FGFR4: variants seen among roughly 807,000 people sequenced by gnomAD.
The protein encoded by FGFR4 is hydroxyaryl-protein kinase.
Under a neutral mutation model 89.9 loss-of-function variants are expected in FGFR4, and 63 were observed. The observed-to-expected ratio is 0.70, with a 90% CI of 0.57 to 0.86. FGFR4 has a LOEUF of 0.86. Among genes scored for constraint, FGFR4 ranks in the 40% least tolerant of loss-of-function variants. The probability of loss-of-function intolerance (pLI) is 0.00; values close to 1 mark genes in which losing one functional copy is unlikely to be tolerated. For synonymous variants in FGFR4, 486 were observed against 479.4 expected, an observed-to-expected ratio of 1.01 and a Z score of -0.18; for missense variants, 928 against 1,106.7, an observed-to-expected ratio of 0.84 and a Z score of 2.29.
At chr5:177,090,248 T>C (rs773763500) in intron 2 of FGFR4, 142 bp from the exon 3 acceptor site, 2 of 1,181,550 alleles carry the variant, frequency 1.7e-6, no homozygotes, top group South Asian at 2.5e-5. Context: ...AGCATGTGGC[T>C]GTGTGGGTGT....
chr5:177,090,231 C>A, intron 2 of FGFR4, 159 bp from the exon 3 acceptor site: 1 of 1,016,682 alleles, frequency 9.8e-7, no homozygotes, highest in Non-Finnish European at 1.5e-6. Flanking sequence ...CTGGGTGTGG[C>A]ATCCGCAGCA....
Position 177,095,684 on chromosome 5 carries a change from C to A in FGFR4, c.1782C>A (p.Tyr594Ter). 6.2e-7 allele frequency: 1 copy of A among 1,609,290 alleles called. No homozygotes were observed. Among genetic ancestry groups the A allele is most frequent in the Non-Finnish European group, 8.5e-7 (1 of 1,179,012 alleles). ...LSFPVLVSCAYQVARGMQYLE... is the reference protein window; with the variant it reads ...LSFPVLVSCA ...TCCCAGTCCTGGTCTCCTGCGCCTA[C>A]CAGGTGGCCCGAGGCATGCAGTATC... The change falls in exon 13 of 18, where the codon TAC (tyrosine) becomes TAA (stop). Residue 594 changes from tyrosine to a stop codon, truncating the protein, a stop_gained. Coordinates refer to ENST00000292408, the MANE Select transcript of FGFR4 (RefSeq NM_213647.3). LOFTEE classifies it high-confidence loss of function. The surrounding 1 kb of genome is among the most constrained non-coding windows in gnomAD (Gnocchi z 5.7).
chr5:177,095,059 C>A lies in FGFR4; in HGVS notation c.1520-271C>A. The A allele has an allele frequency of 2.2e-6, 1 of 452,632 alleles. No homozygotes were observed. Among genetic ancestry groups the A allele is most frequent in the Non-Finnish European group, 4.1e-6 (1 of 243,184 alleles). 28.0% of individuals were successfully genotyped at this position (452,632 alleles called of 1,614,324 possible). ...CCTCTCTCCTGTGTCCTGGGCCTGCCCGCTGGAAGGCCTGCCTCTTAGATC... is the reference window on the plus strand; with the variant it reads ...CCTCTCTCCTGTGTCCTGGGCCTGCACGCTGGAAGGCCTGCCTCTTAGATC... On this transcript the variant is annotated intron_variant, in intron 11 of 17. Coordinates refer to ENST00000292408, the MANE Select transcript of FGFR4 (RefSeq NM_213647.3). The surrounding 1 kb of genome is among the most constrained non-coding windows in gnomAD (Gnocchi z 5.7).
In FGFR4 at chr5:177,090,907, G is replaced by A. The variant is rs1227656235; in HGVS notation, c.437-31G>A. 5.6e-6 allele frequency: 9 copies of A among 1,614,144 alleles called. No homozygotes were observed. In the South Asian group the frequency reaches 6.6e-5, roughly 12 times the overall value. On this transcript the variant is annotated intron_variant, in intron 4 of 17. Transcript: ENST00000292408. ...GAGGAGGCCTGTGTGGGAACACACG[G>A]TCATTCTAGGGGCCTTCCCCTGCCC... is the stretch of plus-strand genomic sequence containing the variant.
intron 15 of FGFR4, 85 bp from the exon 16 acceptor site, chr5:177,096,519 G>A: frequency 6.4e-7 from 1 of 1,557,950 alleles, no homozygotes; most frequent in African/African-American, 1.4e-5. Context: ...AACAGCTGTG[G>A]TGGGTCATGT....
chr5:177,090,458 CGTCTGTGCTGTGGGCG>C lies in FGFR4; in HGVS notation c.162_177del (p.Cys56SerfsTer26). ...GACAGTAGCCCTTGGGCAGCCTGTG[CGTCTGTGCTGTGGGCG>C]GGCTGAGCGTGGTGGCCACTGGTAC... On this transcript the variant is annotated frameshift_variant, in exon 3 of 18. Coordinates refer to ENST00000292408, the MANE Select transcript of FGFR4 (RefSeq NM_213647.3). LOFTEE classifies it high-confidence loss of function. 6.2e-7 allele frequency: 1 copy of C among 1,603,272 alleles called. No individual in the cohort carries two copies. Among genetic ancestry groups the C allele is most frequent in the Non-Finnish European group, 8.5e-7 (1 of 1,176,522 alleles).
chr5:177,097,200 A>G lies in FGFR4; in HGVS notation c.2154-92A>G, dbSNP rs928664009. ...CCTCCTATCCCTCATCAAACTCCCCACCAAACTCCTCCCCACCCAGAGAAC... is the reference window on the plus strand; with the variant it reads ...CCTCCTATCCCTCATCAAACTCCCCGCCAAACTCCTCCCCACCCAGAGAAC... On this transcript the variant is annotated intron_variant, in intron 16 of 17. Transcript: ENST00000292408. The G allele has an allele frequency of 3.7e-5, 38 of 1,031,578 alleles. No homozygotes were observed. In the African/African-American group the frequency reaches 5.0e-4, roughly 14 times the overall value. The allele number at this position is 1,031,578 out of a possible 1,614,324, so 63.9% of individuals were successfully genotyped here. A position where few individuals can be genotyped will look rare whatever the true frequency, so the allele number is the denominator to read the frequency against.
rs1360047984 is a variant in FGFR4, at chr5:177,096,479, G to T, written c.2015+122G>T. 11 of 1,528,648 alleles carry T rather than the reference G, an allele frequency of 7.2e-6. No homozygotes were observed. In the Admixed American group the frequency reaches 7.4e-5, roughly 10 times the overall value. 94.7% of individuals were successfully genotyped at this position (1,528,648 alleles called of 1,614,324 possible). A position where few individuals can be genotyped will look rare whatever the true frequency, so the allele number is the denominator to read the frequency against. On this transcript the variant is annotated intron_variant, in intron 15 of 17. Transcript: ENST00000292408. ...TCAGATTTGGTCTGGGACCCGAGTG[G>T]GCCCAGACTCCAGGAGGAGCCCATT...
At chr5:177,089,041 G>A (rs1257165262) in intron 1 of FGFR4, among the ~76,000 whole-genome samples, 5 of 152,178 alleles carry the variant, frequency 3.3e-5, no homozygotes, top group Non-Finnish European at 7.3e-5. Flanking sequence ...GCTTGCCACG[G>A]AAGGGGCCGC....
At position 177,095,663 on chromosome 5, in the gene FGFR4, A is replaced by C. The variant is rs555421531; in HGVS notation, c.1761A>C (p.Pro587=). ...PRSSEGPLSF[P]VLVSCAYQVA... ...GCAGTGAGGGGCCGCTCTCCTTCCC[A>C]GTCCTGGTCTCCTGCGCCTACCAGG... Residue 587 remains proline, a synonymous_variant, in exon 13 of 18, where the codon CCA becomes CCC. Coordinates refer to ENST00000292408, the MANE Select transcript of FGFR4 (RefSeq NM_213647.3). The surrounding 1 kb of genome is among the most constrained non-coding windows in gnomAD (Gnocchi z 5.7). 1 of 1,609,066 alleles carries C rather than the reference A, an allele frequency of 6.2e-7. No homozygotes were observed. Among genetic ancestry groups the C allele is most frequent in the Admixed American group, 1.7e-5 (1 of 59,574 alleles).
rs916468815 is a variant in FGFR4 at position 177,090,456 on chromosome 5, T to A, written c.158T>A (p.Val53Glu). The change falls in exon 3 of 18, where the codon GTG becomes GAG. Residue 53 changes from valine (V) to glutamate (E), a missense_variant. Around this residue, in one of 5 missense-constraint regions of FGFR4, gnomAD observed 741 missense variants for 836.9 expected, o/e 0.89. Transcript: ENST00000292408. The stretch of plus-strand genomic sequence containing the variant: ...CTGACAGTAGCCCTTGGGCAGCCTG[T>A]GCGTCTGTGCTGTGGGCGGGCTGAG... ...QELTVALGQP[V>E]RLCCGRAERG... 2 of 1,604,414 alleles carry A rather than the reference T, an allele frequency of 1.2e-6. No individual in the cohort carries two copies. Among genetic ancestry groups the A allele is most frequent in the East Asian group, 2.2e-5 (1 of 44,812 alleles).
At chr5:177,096,404 G>T (rs755881407) in intron 15 of FGFR4, 47 bp downstream of exon 15, 70 of 1,608,222 alleles carry the variant, frequency 4.4e-5, no homozygotes, top group Non-Finnish European at 6.0e-5. Flanking sequence ...AAAGGGCAAG[G>T]CACTGCCCAA....
At position 177,096,140 on chromosome 5, in the gene FGFR4, C is replaced by G; in HGVS notation, c.1905C>G (p.Arg635=). The change falls in exon 14 of 18, where the codon CGC becomes CGG. Residue 635 remains arginine, a synonymous_variant. Coordinates refer to ENST00000292408, the MANE Select transcript of FGFR4 (RefSeq NM_213647.3). Reference sequence around the variant, plus strand: ...AGATTGCTGACTTTGGGCTGGCCCGCGGCGTCCACCACATTGACTACTATA... The same window carrying G: ...AGATTGCTGACTTTGGGCTGGCCCGGGGCGTCCACCACATTGACTACTATA... ...VMKIADFGLA[R]GVHHIDYYKK... The G allele has an allele frequency of 6.2e-7, 1 of 1,614,116 alleles. No individual in the cohort carries two copies. Among genetic ancestry groups the G allele is most frequent in the Non-Finnish European group, 8.5e-7 (1 of 1,179,994 alleles).
In FGFR4 at chr5:177,093,477, C is replaced by T. The variant is rs777754416; in HGVS notation, c.1323C>T (p.Ser441=). The T allele has an allele frequency of 1.2e-5, 19 of 1,613,826 alleles. No individual in the cohort carries two copies. Among genetic ancestry groups the T allele is most frequent in the Middle Eastern group, 1.6e-4 (1 of 6,084 alleles). The change falls in exon 10 of 18, where the codon AGC becomes AGT. Residue 441 remains serine, a synonymous_variant. Coordinates refer to ENST00000292408, the MANE Select transcript of FGFR4 (RefSeq NM_213647.3). This position sits in a 1 kb window ranked among gnomAD's most constrained non-coding sequence, Gnocchi z 5.8. ...SLVRGVRLSS[S]GPALLAGLVS... is the part of the protein sequence containing the mutation. ...TACGAGGCGTGCGTCTCTCCTCCAG[C>T]GGCCCCGCCTTGCTCGCCGGCCTCG...
At position 177,089,623 on chromosome 5, in the gene FGFR4, G is replaced by T; in HGVS notation, c.21G>T (p.Leu7=). Residue 7 remains leucine, a synonymous_variant, in exon 2 of 18, where the codon CTG becomes CTT. Coordinates refer to ENST00000292408, the MANE Select transcript of FGFR4 (RefSeq NM_213647.3). Reference sequence around the variant, plus strand: ...AGGAGATGCGGCTGCTGCTGGCCCTGTTGGGGGTCCTGCTGAGTGTGCCTG... The same window carrying T: ...AGGAGATGCGGCTGCTGCTGGCCCTTTTGGGGGTCCTGCTGAGTGTGCCTG... MRLLLA[L]LGVLLSVPGP... 1 of 1,613,922 alleles carries T rather than the reference G, an allele frequency of 6.2e-7. No homozygotes were observed. The highest frequency in any genetic ancestry group is 8.5e-7 in the Non-Finnish European group (1 of 1,179,920).
Position 177,097,981 on chromosome 5 carries a change from C to A in FGFR4, c.*305C>A. 3.1e-6 allele frequency: 1 copy of A among 319,764 alleles called. No homozygotes were observed. The highest frequency in any genetic ancestry group is 5.7e-6 in the Non-Finnish European group (1 of 174,340). The allele number at this position is 319,764 out of a possible 1,614,324, so 19.8% of individuals were successfully genotyped here. ...CCCAATACCAGCAGGAGGTTCTGGG[C>A]CTCTGAACCCCCTTTCCCCACACCT... is the stretch of plus-strand genomic sequence containing the variant. On this transcript the variant is annotated 3_prime_UTR_variant, in exon 18 of 18. Coordinates refer to ENST00000292408, the MANE Select transcript of FGFR4 (RefSeq NM_213647.3).
rs2149735652 is a variant in FGFR4, at chr5:177,093,376, G to A, written c.1252-30G>A. The A allele has an allele frequency of 6.2e-7, 1 of 1,613,316 alleles. No individual in the cohort carries two copies. The highest frequency in any genetic ancestry group is 8.5e-7 in the Non-Finnish European group (1 of 1,179,610). On this transcript the variant is annotated intron_variant, in intron 9 of 17. Transcript: ENST00000292408. This position sits in a 1 kb window ranked among gnomAD's most constrained non-coding sequence, Gnocchi z 5.8. Reference sequence around the variant, plus strand: ...CCTCACATGTGACAGCCTGACTCCAGCAGGCAGAACCAAGTCTCCCACTTT... The same window carrying A: ...CCTCACATGTGACAGCCTGACTCCAACAGGCAGAACCAAGTCTCCCACTTT...
chr5:177,091,062 T>C lies in FGFR4; in HGVS notation c.561T>C (p.Asp187=), dbSNP rs1033228084. 24 of 1,599,718 alleles carry C rather than the reference T, an allele frequency of 1.5e-5. No individual in the cohort carries two copies. In the Admixed American group the frequency reaches 2.7e-4, roughly 18 times the overall value. ...CGCCCACCATCCGCTGGCTTAAGGA[T>C]GGACAGGCCTTTCATGGGGAGAACC... The part of the protein sequence containing the change: ...NPTPTIRWLK[D]GQAFHGENRI... Residue 187 remains aspartate, a synonymous_variant, in exon 5 of 18, where the codon GAT becomes GAC. Transcript: ENST00000292408.
At position 177,098,010 on chromosome 5, in the gene FGFR4, C is replaced by CCTG. The variant is rs1784673109; in HGVS notation, c.*345_*347dup. The CCTG allele has an allele frequency of 1.7e-5, 5 of 292,212 alleles. No homozygotes were observed. Among genetic ancestry groups the CCTG allele is most frequent in the Non-Finnish European group, 3.2e-5 (5 of 156,772 alleles). 18.1% of individuals were successfully genotyped at this position (292,212 alleles called of 1,614,324 possible). On this transcript the variant is annotated 3_prime_UTR_variant, in exon 18 of 18. Coordinates refer to ENST00000292408, the MANE Select transcript of FGFR4 (RefSeq NM_213647.3). This position sits in a 1 kb window ranked among gnomAD's most constrained non-coding sequence, Gnocchi z 4.5. ...TGAACCCCCTTTCCCCACACCTCCCCCTGCTGCTGCTGCCCCAGCGTCTTG... is the reference window on the plus strand; with the variant it reads ...TGAACCCCCTTTCCCCACACCTCCCCCTGCTGCTGCTGCTGCCCCAGCGTCTTG...
Sources: gnomAD v4.1 joint callset for allele counts (sites outside exome capture counted in the v4.1 genomes callset) on GRCh38, gnomAD v4.1.1 for gene constraint, gnomAD v4.1.1 regional missense constraint, Gnocchi (gnomAD v3.1) non-coding constraint, MANE v1.5 for transcripts, NCBI Gene and HGNC (gene_info 2026-07-23, HGNC 2026-07-21) for gene names.